Variants in FAM171A1 observed in about 807,000 individuals in gnomAD.
FAM171A1 encodes the protein protein FAM171A1.
FAM171A1 carries 23 observed loss-of-function variants against 74.9 expected under a neutral mutation model. The ratio of observed to expected loss-of-function variants is 0.31; its 90% CI spans 0.22 to 0.44. The LOEUF (loss-of-function observed/expected upper bound fraction) is 0.44, where lower values mean the gene tolerates loss of function less well. FAM171A1 is among the 20% of genes least tolerant of loss of function. The pLI, the probability that FAM171A1 is intolerant of heterozygous loss-of-function variation, is 1.00. For missense variants in FAM171A1, 1,162 were observed against 1,159.2 expected (o/e 1.00, Z -0.03); for synonymous variants, 527 against 505.7 (o/e 1.04, Z -0.57).
At position 15,283,139 on chromosome 10, in the gene FAM171A1, A is replaced by AGAGG. The variant is rs372146936; in HGVS notation, c.325+735_325+738dup. Among the ~76,000 whole-genome samples, 674 of 152,284 alleles carry AGAGG rather than the reference A, an allele frequency of 4.4e-3. 3 individuals carry two copies. Among genetic ancestry groups the AGAGG allele is most frequent in the African/African-American group, 0.014 (601 of 41,576 alleles). ...CCTAAGCCTAGGGAGAGGGAGTTACAGAGGGAGGGAGGGAGTGAGGGAGGA... is the reference window on the plus strand; with the variant it reads ...CCTAAGCCTAGGGAGAGGGAGTTACAGAGGGAGGGAGGGAGGGAGTGAGGGAGGA... On this transcript the variant is annotated intron_variant, in intron 2 of 7. Coordinates refer to ENST00000378116, the MANE Select transcript of FAM171A1 (RefSeq NM_001010924.2).
chr10:15,344,019 T>G (rs573479905), intron 1 of FAM171A1, among the ~76,000 whole-genome samples: 1 of 152,324 alleles, frequency 6.6e-6, no homozygotes, highest in African/African-American at 2.4e-5. Context: ...GCAAGAAACC[T>G]CAGGGATGGA....
chr10:15,275,547 T>C (rs1188296298), intron 3 of FAM171A1, among the ~76,000 whole-genome samples: 2 of 152,078 alleles, frequency 1.3e-5, no homozygotes, highest in African/African-American at 2.4e-5. Context: ...TCAACCCACC[T>C]AGGCTTCCCA....
chr10:15,228,343 T>TTC (rs1303887889), intron 5 of FAM171A1, among the ~76,000 whole-genome samples: 1 of 150,728 alleles, frequency 6.6e-6, no homozygotes, highest in African/African-American at 2.4e-5. Context: ...AGTATTTTTT[T>TTC]TTTTTTTTTT....
intron 1 of FAM171A1, among the ~76,000 whole-genome samples, chr10:15,361,084 C>G (rs915605888): frequency 3.3e-5 from 5 of 151,962 alleles, no homozygotes; most frequent in African/African-American, 7.3e-5. Flanking sequence ...ATGTCGTCAC[C>G]TAATCATTAA....
chr10:15,270,101 A>G (rs1048646433), intron 3 of FAM171A1, among the ~76,000 whole-genome samples: 2 of 152,214 alleles, frequency 1.3e-5, no homozygotes, highest in African/African-American at 4.8e-5. Flanking sequence ...TAGGAAGCGC[A>G]ACGGGTCGGG....
intron 3 of FAM171A1, among the ~76,000 whole-genome samples, chr10:15,261,561 G>A (rs796419316): frequency 1.9e-4 from 29 of 152,338 alleles, no homozygotes; most frequent in African/African-American, 6.7e-4. Flanking sequence ...TGTTTTAAGT[G>A]CTAGAATAAG....
chr10:15,289,638 CA>C (rs2131815833), intron 1 of FAM171A1, among the ~76,000 whole-genome samples: 1 of 152,284 alleles, frequency 6.6e-6, no homozygotes, highest in South Asian at 2.1e-4. Flanking sequence ...GGGAGCTATC[CA>C]ATACACTCAG....
rs1833907521 is a variant in FAM171A1, at chr10:15,212,818, G to A, written c.*97C>T. On this transcript the variant is annotated 3_prime_UTR_variant, in exon 8 of 8. Transcript: ENST00000378116. Reference sequence around the variant, plus strand: ...AACGTCCACGTCCGTCCCACGGCTGGGCTGCCGTTCCGTTTCCTCCACGAA... The same window carrying A: ...AACGTCCACGTCCGTCCCACGGCTGAGCTGCCGTTCCGTTTCCTCCACGAA... The A allele has an allele frequency of 6.7e-6, 10 of 1,485,668 alleles. No homozygotes were observed. The Admixed American group carries it at 1.2e-4, about 18-fold the overall frequency. 92.0% of individuals were successfully genotyped at this position (1,485,668 alleles called of 1,614,324 possible). A position where few individuals can be genotyped will look rare whatever the true frequency, so the allele number is the denominator to read the frequency against.
At chr10:15,324,361 A>C (rs1453876666) in intron 1 of FAM171A1, among the ~76,000 whole-genome samples, 2 of 152,164 alleles carry the variant, frequency 1.3e-5, no homozygotes, top group Non-Finnish European at 1.5e-5. Context: ...CCATCCTCAA[A>C]TGACACACTC....
intron 3 of FAM171A1, among the ~76,000 whole-genome samples, chr10:15,264,729 G>A (rs139063336): frequency 6.0e-4 from 91 of 152,192 alleles, no homozygotes; most frequent in African/African-American, 2.2e-3. Flanking sequence ...GGTGCAGTGA[G>A]CTGAGATCCA....
At chr10:15,277,312 G>C (rs1564630818) in intron 2 of FAM171A1, among the ~76,000 whole-genome samples, 1 of 151,944 alleles carries the variant, frequency 6.6e-6, no homozygotes. Context: ...CCGCCTCGCA[G>C]GTTCAAGTGA....
At chr10:15,281,899 T>A (rs1834975320) in intron 2 of FAM171A1, among the ~76,000 whole-genome samples, 1 of 152,106 alleles carries the variant, frequency 6.6e-6, no homozygotes, top group Non-Finnish European at 1.5e-5. Context: ...ATGGGAATGG[T>A]TTTTCTCAAA....
upstream of FAM171A1, among the ~76,000 whole-genome samples, chr10:15,373,646 G>A (rs1358968367): frequency 3.3e-5 from 5 of 152,104 alleles, no homozygotes; most frequent in Non-Finnish European, 7.3e-5. Context: ...TTACAATTGG[G>A]GGAAGCTGGG....
intron 1 of FAM171A1, among the ~76,000 whole-genome samples, chr10:15,364,861 C>T (rs1417092180): frequency 1.3e-5 from 2 of 152,168 alleles, no homozygotes; most frequent in East Asian, 3.8e-4. Context: ...CTTCTATTAG[C>T]ACATCTCCTC....
intron 4 of FAM171A1, among the ~76,000 whole-genome samples, chr10:15,252,281 AAAC>A (rs1834519466): frequency 6.6e-6 from 1 of 152,122 alleles, no homozygotes; most frequent in Non-Finnish European, 1.5e-5. Flanking sequence ...CCTCTAAACC[AAAC>A]AACACAACCT....
chr10:15,253,421 T>C (rs1284166166), intron 4 of FAM171A1, among the ~76,000 whole-genome samples: 1 of 152,204 alleles, frequency 6.6e-6, no homozygotes, highest in African/African-American at 2.4e-5. Context: ...TGCTATGCCA[T>C]CTTTCTGATG....
At chr10:15,362,737 A>G (rs1364123850) in intron 1 of FAM171A1, among the ~76,000 whole-genome samples, 2 of 152,190 alleles carry the variant, frequency 1.3e-5, no homozygotes, top group Non-Finnish European at 2.9e-5. Flanking sequence ...AACAAAAACA[A>G]AAACAAAACA....
intron 1 of FAM171A1, among the ~76,000 whole-genome samples, chr10:15,335,843 T>C (rs2131864627): frequency 6.6e-6 from 1 of 152,230 alleles, no homozygotes; most frequent in South Asian, 2.1e-4. Flanking sequence ...CTAATACAGA[T>C]TAAAAAGGGA....
intron 5 of FAM171A1, among the ~76,000 whole-genome samples, chr10:15,233,000 CATT>C (rs1430110145): frequency 6.6e-6 from 1 of 152,186 alleles, no homozygotes; most frequent in Non-Finnish European, 1.5e-5. Context: ...TAGATAAAAA[CATT>C]GTTTTTTCAG....
Sources: gnomAD v4.1 joint callset for allele counts (sites outside exome capture counted in the v4.1 genomes callset) on GRCh38, gnomAD v4.1.1 for gene constraint, MANE v1.5 for transcripts, NCBI Gene and HGNC (gene_info 2026-07-23, HGNC 2026-07-21) for gene names.